IL31RA: variants seen among roughly 807,000 people sequenced by gnomAD.
The protein encoded by IL31RA is interleukin 31 receptor A, also known as interleukin-31 receptor subunit alpha.
A neutral mutation model predicts 83.7 loss-of-function variants in IL31RA; 66 were observed. That is an observed-to-expected ratio of 0.79 (90% CI 0.65 to 0.97). The LOEUF (loss-of-function observed/expected upper bound fraction) is 0.97. Among genes scored for constraint, IL31RA ranks in the 50% least tolerant of loss-of-function variants. IL31RA has a pLI of 0.00. For synonymous variants in IL31RA, 325 were observed against 329.0 expected, an observed-to-expected ratio of 0.99 and a Z score of 0.13; for missense variants, 798 against 919.4, an observed-to-expected ratio of 0.87 and a Z score of 1.71.
At chr5:55,854,916 C>A (rs1745268315) in intron 1 of IL31RA, among the ~76,000 whole-genome samples, 1 of 152,094 alleles carries the variant, frequency 6.6e-6, no homozygotes, top group South Asian at 2.1e-4. Flanking sequence ...CGACTATTAT[C>A]ATTACTGCAA....
chr5:55,864,780 CCACA>C (rs898326142), intron 2 of IL31RA, among the ~76,000 whole-genome samples: 1 of 151,206 alleles, frequency 6.6e-6, no homozygotes, highest in East Asian at 1.9e-4. Context: ...TACACACATA[CCACA>C]CACACTCTAC....
intron 5 of IL31RA, among the ~76,000 whole-genome samples, chr5:55,887,478 G>A (rs564825549): frequency 6.6e-6 from 1 of 152,170 alleles, no homozygotes; most frequent in African/African-American, 2.4e-5. Context: ...AGTGGCTCAC[G>A]CCTGTAATCC....
intron 1 of IL31RA, among the ~76,000 whole-genome samples, chr5:55,859,132 G>A (rs1299009581): frequency 2.0e-5 from 3 of 152,220 alleles, no homozygotes; most frequent in East Asian, 3.9e-4. Context: ...GTGAGATAGC[G>A]TGGTGCTTGG....
intron 4 of IL31RA, among the ~76,000 whole-genome samples, chr5:55,881,398 G>GT (rs1423292478): frequency 6.6e-6 from 1 of 152,128 alleles, no homozygotes; most frequent in African/African-American, 2.4e-5. Flanking sequence ...AGAGGGCCAA[G>GT]TGGGCATCCT....
intron 5 of IL31RA, 43 bp from the exon 6 acceptor site, chr5:55,889,927 C>G: frequency 6.3e-7 from 1 of 1,581,848 alleles, no homozygotes; most frequent in Non-Finnish European, 8.7e-7. Context: ...GGGAGGATAA[C>G]GTGTGGTCTC....
chr5:55,851,302 C>A, upstream of IL31RA: 1 of 532,702 alleles, frequency 1.9e-6, no homozygotes, highest in Non-Finnish European at 3.4e-6. Context: ...AATAACAGTA[C>A]TATGACTCAT....
In IL31RA at chr5:55,919,405, A is replaced by G. The variant is rs138525145; in HGVS notation, c.*2285A>G. 4.6e-5 allele frequency among the ~76,000 whole-genome samples: 7 copies of G among 152,294 alleles called. No homozygotes were observed. In the East Asian group the frequency reaches 1.4e-3, roughly 29 times the overall value. On this transcript the variant is annotated 3_prime_UTR_variant, in exon 15 of 15. Coordinates refer to ENST00000652347, the MANE Select transcript of IL31RA (RefSeq NM_139017.7). ...CTGTGAGTGGATTCCAGAGATAAGG[A>G]TGTTGCCCTCTGGCCCCTGCTCCTT... is the stretch of plus-strand genomic sequence containing the variant.
chr5:55,845,435 G>C, the IL31RA span, among the ~76,000 whole-genome samples: 3 of 152,232 alleles, frequency 2.0e-5, no homozygotes, highest in South Asian at 4.1e-4. Context: ...TTAGGCTCTT[G>C]AGGGCAGGTG....
At chr5:55,907,873 T>C (rs1749252780) in intron 10 of IL31RA, among the ~76,000 whole-genome samples, 1 of 152,250 alleles carries the variant, frequency 6.6e-6, no homozygotes, top group African/African-American at 2.4e-5. Context: ...GCTCAAGCTT[T>C]ACTTTTATCT....
rs756476149 is a variant in IL31RA at position 55,914,907 on chromosome 5, A to T, written c.1797A>T (p.Thr599=). The change falls in exon 14 of 15, where the codon ACA becomes ACT. Residue 599 remains threonine, a synonymous_variant. Coordinates refer to ENST00000652347, the MANE Select transcript of IL31RA (RefSeq NM_139017.7). ...ACCCTGCTGAAAGTAGTATAGCCAC[A>T]TGGCATGGAGATGATTTCAAGGTAA... ...VPNPAESSIA[T]WHGDDFKDKL... The T allele has an allele frequency of 1.9e-6, 3 of 1,613,112 alleles. No individual in the cohort carries two copies. The South Asian group carries it at 3.3e-5, about 18-fold the overall frequency.
chr5:55,891,529 G>T (rs1443925855), intron 6 of IL31RA, among the ~76,000 whole-genome samples: 1 of 151,978 alleles, frequency 6.6e-6, no homozygotes, highest in Admixed American at 6.6e-5. Context: ...TTTGGCTTGT[G>T]GTCCTTCTTC....
intron 2 of IL31RA, 25 bp from the exon 3 acceptor site, chr5:55,868,762 TTGTG>T (rs758980070): frequency 7.7e-6 from 9 of 1,174,108 alleles, no homozygotes; most frequent in South Asian, 1.2e-5. Context: ...ATTTTTGTGT[TTGTG>T]TGTGTGTGTG....
intron 1 of IL31RA, among the ~76,000 whole-genome samples, chr5:55,856,679 G>A (rs1455103180): frequency 6.6e-6 from 1 of 152,192 alleles, no homozygotes; most frequent in Non-Finnish European, 1.5e-5. Context: ...AGGGAGATTC[G>A]GGGTTTTGAA....
At chr5:55,892,584 A>G (rs1748069126) in intron 6 of IL31RA, among the ~76,000 whole-genome samples, 1 of 152,190 alleles carries the variant, frequency 6.6e-6, no homozygotes, top group Non-Finnish European at 1.5e-5. Context: ...CATTTAGCAA[A>G]TAGTTCTCTT....
At position 55,908,302 on chromosome 5, in the gene IL31RA, T is replaced by A; in HGVS notation, c.1392T>A (p.Ile464=). The change falls in exon 11 of 15, where the codon ATT becomes ATA. Residue 464 remains isoleucine (I), a synonymous_variant. Coordinates refer to ENST00000652347, the MANE Select transcript of IL31RA (RefSeq NM_139017.7). ...SEGPETKVEN[I]GVKTVTITWK... is the part of the protein sequence containing the mutation. ...GTCCTGAGACCAAGGTGGAGAACATTGGCGTGAAGACGGTCACGATCACAT... is the reference window on the plus strand; with the variant it reads ...GTCCTGAGACCAAGGTGGAGAACATAGGCGTGAAGACGGTCACGATCACAT... 1 of 1,614,178 alleles carries A rather than the reference T, an allele frequency of 6.2e-7. No homozygotes were observed. Among genetic ancestry groups the A allele is most frequent in the South Asian group, 1.1e-5 (1 of 91,076 alleles).
chr5:55,865,190 G>A (rs955095700), intron 2 of IL31RA, among the ~76,000 whole-genome samples: 1 of 152,218 alleles, frequency 6.6e-6, no homozygotes, highest in African/African-American at 2.4e-5. Context: ...GTAACATGCA[G>A]TATTATTTGA....
In IL31RA at chr5:55,908,332, A is replaced by G; in HGVS notation, c.1422A>G (p.Lys474=). ...IGVKTVTITW[K]EIPKSERKGI... ...TGAAGACGGTCACGATCACATGGAAAGAGATTCCCAAGAGTGAGAGAAAGG... is the reference window on the plus strand; with the variant it reads ...TGAAGACGGTCACGATCACATGGAAGGAGATTCCCAAGAGTGAGAGAAAGG... The change falls in exon 11 of 15, where the codon AAA becomes AAG. Residue 474 remains lysine (K), a synonymous_variant. Coordinates refer to ENST00000652347, the MANE Select transcript of IL31RA (RefSeq NM_139017.7). 1 of 1,614,218 alleles carries G rather than the reference A, an allele frequency of 6.2e-7. No homozygotes were observed. Among genetic ancestry groups the G allele is most frequent in the Non-Finnish European group, 8.5e-7 (1 of 1,180,042 alleles).
intron 4 of IL31RA, among the ~76,000 whole-genome samples, chr5:55,878,158 C>T (rs922158855): frequency 7.2e-5 from 11 of 152,252 alleles, no homozygotes; most frequent in South Asian, 2.1e-4. Context: ...TGATTTTCAA[C>T]TTCAGAGTTT....
rs771928755 is a variant in IL31RA, at chr5:55,906,192, A to T, written c.1156A>T (p.Thr386Ser). ...KWQSSALDVN[T>S]WMIEWFPDVD... The stretch of plus-strand genomic sequence containing the variant: ...GCAAAGCTCTGCTCTAGACGTGAAC[A>T]CTTGGATGATTGAATGGTTTCCGGA... The change falls in exon 9 of 15, where the codon ACT becomes TCT. Residue 386 changes from threonine (T) to serine (S), a missense_variant. Thr to Ser is a moderately conservative substitution (Grantham distance 58). Coordinates refer to ENST00000652347, the MANE Select transcript of IL31RA (RefSeq NM_139017.7). The T allele has an allele frequency of 2.5e-6, 4 of 1,614,008 alleles. No individual in the cohort carries two copies. The African/African-American group carries it at 5.3e-5, about 22-fold the overall frequency.
Sources: allele counts gnomAD v4.1 joint callset (sites outside exome capture counted in the v4.1 genomes callset), GRCh38; gene constraint gnomAD v4.1.1; transcripts MANE v1.5; gene names NCBI Gene and HGNC (gene_info 2026-07-23, HGNC 2026-07-21).